Variants in PHLDB2 observed in about 807,000 individuals in gnomAD.
PHLDB2 encodes the protein pleckstrin homology-like domain family B member 2.
Under a neutral mutation model 123.6 loss-of-function variants are expected in PHLDB2, and 71 were observed. The ratio of observed to expected loss-of-function variants is 0.57; its 90% CI spans 0.47 to 0.70. The LOEUF (loss-of-function observed/expected upper bound fraction) is 0.70. PHLDB2 is among the 30% of genes least tolerant of loss of function. The probability of loss-of-function intolerance (pLI) is 0.00; values close to 1 mark genes in which losing one functional copy is unlikely to be tolerated. For synonymous variants in PHLDB2, 547 were observed against 541.6 expected, an observed-to-expected ratio of 1.01 and a Z score of -0.14; for missense variants, 1,446 against 1,519.5, an observed-to-expected ratio of 0.95 and a Z score of 0.80.
chr3:111,926,986 C>G (rs1350642974), intron 5 of PHLDB2, among the ~76,000 whole-genome samples: 1 of 152,038 alleles, frequency 6.6e-6, no homozygotes, highest in African/African-American at 2.4e-5. Flanking sequence ...GTATCATGGA[C>G]GTATGCATAT....
intron 2 of PHLDB2, chr3:111,846,087 A>G: frequency 1.3e-6 from 1 of 742,704 alleles, no homozygotes; most frequent in Non-Finnish European, 2.2e-6. Context: ...CCTTGCCCAG[A>G]ACTTTGGTCA....
chr3:111,925,247 A>T (rs909928717), intron 5 of PHLDB2, among the ~76,000 whole-genome samples: 1 of 152,208 alleles, frequency 6.6e-6, no homozygotes, highest in Non-Finnish European at 1.5e-5. Flanking sequence ...CACATTCGTT[A>T]CCCTATAAAA....
chr3:111,754,578 C>G (rs1395870081), intron 1 of PHLDB2, among the ~76,000 whole-genome samples: 1 of 129,932 alleles, frequency 7.7e-6, no homozygotes, highest in Non-Finnish European at 1.6e-5. Context: ...TCTAGATATA[C>G]AATCATGTCA....
intron 7 of PHLDB2, 106 bp downstream of exon 7, chr3:111,939,736 T>G (rs1368441714): frequency 8.4e-7 from 1 of 1,187,446 alleles, no homozygotes; most frequent in African/African-American, 1.5e-5. Flanking sequence ...GATTACGTAG[T>G]CTGCCATGTA....
chr3:111,911,667 A>G (rs759189114), intron 2 of PHLDB2: 36 of 1,536,206 alleles, frequency 2.3e-5, no homozygotes, highest in Non-Finnish European at 3.1e-5. Flanking sequence ...TGCCGTGGGA[A>G]GAGGCCATGA....
intron 5 of PHLDB2, among the ~76,000 whole-genome samples, chr3:111,921,446 G>A (rs995273249): frequency 2.6e-5 from 4 of 152,034 alleles, no homozygotes; most frequent in Non-Finnish European, 4.4e-5. Flanking sequence ...TATAAATAAG[G>A]GCATTTGATC....
intron 2 of PHLDB2, among the ~76,000 whole-genome samples, chr3:111,896,557 G>T (rs923777484): frequency 6.5e-4 from 99 of 152,096 alleles, no homozygotes; most frequent in African/African-American, 2.3e-3. Context: ...ACGTATGTTG[G>T]CCAGGCTGGT....
intron 16 of PHLDB2, among the ~76,000 whole-genome samples, chr3:111,970,993 T>C (rs2072138382): frequency 6.6e-6 from 1 of 151,894 alleles, no homozygotes. Context: ...GGTAGGGGAA[T>C]GCCTGCCTTT....
intron 1 of PHLDB2, among the ~76,000 whole-genome samples, chr3:111,782,905 A>G (rs2060535496): frequency 6.6e-6 from 1 of 152,104 alleles, no homozygotes; most frequent in Non-Finnish European, 1.5e-5. Flanking sequence ...AGGATTCTCT[A>G]TATATACATT....
At chr3:111,906,817 C>T (rs1253431792) in intron 2 of PHLDB2, among the ~76,000 whole-genome samples, 1 of 152,158 alleles carries the variant, frequency 6.6e-6, no homozygotes, top group Non-Finnish European at 1.5e-5. Context: ...CACAGTCATA[C>T]AAAGGCATTA....
At chr3:111,837,715 G>C (rs7626131) in intron 1 of PHLDB2, among the ~76,000 whole-genome samples, 108,361 of 152,096 alleles carry the variant, frequency 0.71, 38,866 homozygotes, top group Middle Eastern at 0.85. Context: ...GCTTACTACA[G>C]AAGACTTTCT....
intron 1 of PHLDB2, among the ~76,000 whole-genome samples, chr3:111,785,354 T>C (rs1000975945): frequency 2.8e-4 from 42 of 152,116 alleles, no homozygotes; most frequent in African/African-American, 1.0e-3. Flanking sequence ...ATTTCTGTTT[T>C]CTGTTTATTT....
chr3:111,941,949 C>T (rs1410763571), intron 8 of PHLDB2, among the ~76,000 whole-genome samples: 6 of 152,190 alleles, frequency 3.9e-5, no homozygotes, highest in African/African-American at 9.7e-5. Context: ...TTTCCCACCT[C>T]GAAGTCTCTG....
chr3:111,794,300 G>A (rs567623420), intron 1 of PHLDB2, among the ~76,000 whole-genome samples: 24 of 152,050 alleles, frequency 1.6e-4, no homozygotes, highest in African/African-American at 5.5e-4. Context: ...GCAAAGTCCC[G>A]CAGTCACTGC....
intron 1 of PHLDB2, among the ~76,000 whole-genome samples, chr3:111,876,589 A>T (rs1236732154): frequency 6.6e-6 from 1 of 152,162 alleles, no homozygotes; most frequent in Non-Finnish European, 1.5e-5. Flanking sequence ...TTTAAGTTAT[A>T]CTTTAAGTTC....
chr3:111,817,145 C>T (rs1007177756), intron 1 of PHLDB2, among the ~76,000 whole-genome samples: 1 of 152,142 alleles, frequency 6.6e-6, no homozygotes, highest in African/African-American at 2.4e-5. Context: ...ATGTCTTTAT[C>T]AGCAATGTGA....
intron 1 of PHLDB2, among the ~76,000 whole-genome samples, chr3:111,733,052 T>G (rs539783578): frequency 5.3e-5 from 8 of 152,330 alleles, no homozygotes; most frequent in African/African-American, 1.7e-4. Context: ...TTTCGTTGCA[T>G]AATTTTTTTC....
intron 5 of PHLDB2, among the ~76,000 whole-genome samples, chr3:111,921,273 G>T (rs912319345): frequency 6.6e-6 from 1 of 152,090 alleles, no homozygotes; most frequent in African/African-American, 2.4e-5. Flanking sequence ...ATTTGAGAAA[G>T]AAAAAGCAAA....
intron 7 of PHLDB2, 41 bp downstream of exon 7, chr3:111,939,671 A>G (rs777644879): frequency 1.3e-6 from 2 of 1,566,644 alleles, no homozygotes; most frequent in African/African-American, 1.4e-5. Flanking sequence ...AAATCAAAAT[A>G]TATTTCTGCT....
Sources: allele counts gnomAD v4.1 joint callset (sites outside exome capture counted in the v4.1 genomes callset), GRCh38; gene constraint gnomAD v4.1.1; transcripts MANE v1.5; gene names NCBI Gene and HGNC (gene_info 2026-07-23, HGNC 2026-07-21).